CCDC183: variants seen among roughly 807,000 people sequenced by gnomAD.
CCDC183 encodes the protein coiled-coil domain-containing protein 183.
In CCDC183, 63 loss-of-function variants were observed where a neutral mutation model predicts 65.2. That is an observed-to-expected ratio of 0.97 (90% CI 0.79 to 1.19). The LOEUF (loss-of-function observed/expected upper bound fraction) is 1.19, where lower values mean the gene tolerates loss of function less well. Among genes scored for constraint, CCDC183 ranks in the 50% most tolerant of loss-of-function variants. The pLI, the probability that CCDC183 is intolerant of heterozygous loss-of-function variation, is 0.00. For missense variants in CCDC183, 769 were observed against 689.3 expected (o/e 1.12, Z -1.30); for synonymous variants, 323 against 276.5 (o/e 1.17, Z -1.67).
chr9:136,807,194 C>T lies in CCDC183; in HGVS notation c.1486+128C>T, dbSNP rs868515170. 11 of 804,510 alleles carry T rather than the reference C, an allele frequency of 1.4e-5. No individual in the cohort carries two copies. The Middle Eastern group carries it at 2.8e-3, about 206-fold the overall frequency. The allele number at this position is 804,510 out of a possible 1,614,324, so 49.8% of individuals were successfully genotyped here. A position where few individuals can be genotyped will look rare whatever the true frequency, so the allele number is the denominator to read the frequency against. ...GGGGCTACAGGGTGCATCAGTTGTA[C>T]CTGCAGGACTTTAATTGATGGAGGT... On this transcript the variant is annotated intron_variant, in intron 13 of 13. Coordinates refer to ENST00000338005, the MANE Select transcript of CCDC183 (RefSeq NM_001039374.5).
chr9:136,799,708 C>A lies in CCDC183; in HGVS notation c.193-5C>A. 6.2e-7 allele frequency: 1 copy of A among 1,612,378 alleles called. No homozygotes were observed. ...CGCTCTAGCTCAGCCGCCGCCGCTCCGCAGTATGACCAGTGGACCATCTCC... is the reference window on the plus strand; with the variant it reads ...CGCTCTAGCTCAGCCGCCGCCGCTCAGCAGTATGACCAGTGGACCATCTCC... On this transcript the variant is annotated splice_region_variant and splice_polypyrimidine_tract_variant and intron_variant, in intron 2 of 13. Coordinates refer to ENST00000338005, the MANE Select transcript of CCDC183 (RefSeq NM_001039374.5).
rs559252464 is a variant in CCDC183, at chr9:136,799,871, G to C, written c.270+81G>C. 5 of 1,408,938 alleles carry C rather than the reference G, an allele frequency of 3.5e-6. No individual in the cohort carries two copies. The African/African-American group carries it at 4.4e-5, about 12-fold the overall frequency. 87.3% of individuals were successfully genotyped at this position (1,408,938 alleles called of 1,614,324 possible). A position where few individuals can be genotyped will look rare whatever the true frequency, so the allele number is the denominator to read the frequency against. On this transcript the variant is annotated intron_variant, in intron 3 of 13. Transcript: ENST00000338005. ...CCCCACTAGATGTTGCGGAGCCGACGAGGGACGGAGCAGGTGCCCAGCCCC... is the reference window on the plus strand; with the variant it reads ...CCCCACTAGATGTTGCGGAGCCGACCAGGGACGGAGCAGGTGCCCAGCCCC...
At chr9:136,801,540 T>C (rs1847737243) in intron 5 of CCDC183, among the ~76,000 whole-genome samples, 1 of 151,968 alleles carries the variant, frequency 6.6e-6, no homozygotes, top group Non-Finnish European at 1.5e-5. Flanking sequence ...ACTTCATCTC[T>C]ACTAAAAATA....
In CCDC183 at chr9:136,806,241, GC is replaced by G. The variant is rs1313607908; in HGVS notation, c.1109+7del. On this transcript the variant is annotated splice_donor_region_variant and intron_variant, in intron 10 of 13. Coordinates refer to ENST00000338005, the MANE Select transcript of CCDC183 (RefSeq NM_001039374.5). The stretch of plus-strand genomic sequence containing the variant: ...CGCCAGAAGCCTAGCTCCATCAGGT[GC>G]CCCGGGCTTCCGGGGCTGCGGGCCA... 1.3e-6 allele frequency: 2 copies of G among 1,588,698 alleles called. No individual in the cohort carries two copies. The highest frequency in any genetic ancestry group is 1.7e-6 in the Non-Finnish European group (2 of 1,167,634).
At chr9:136,805,284 G>T in intron 8 of CCDC183, 73 bp from the exon 9 acceptor site, 2 of 1,253,408 alleles carry the variant, frequency 1.6e-6, no homozygotes, top group Non-Finnish European at 2.3e-6. Context: ...AGGTACAGAG[G>T]TGTCTGACAG....
rs990966725 is a variant in CCDC183 at position 136,800,170 on chromosome 9, G to C, written c.438+1G>C. ...CAAGGAGGAGCTGCGGCTGCTGCAGGTGGAGAGGCGGGGCTGGGAGGGCGG... is the reference window on the plus strand; with the variant it reads ...CAAGGAGGAGCTGCGGCTGCTGCAGCTGGAGAGGCGGGGCTGGGAGGGCGG... On this transcript the variant is annotated splice_donor_variant, in intron 4 of 13. Transcript: ENST00000338005. LOFTEE classifies it high-confidence loss of function. 9.8e-5 allele frequency: 149 copies of C among 1,526,748 alleles called. No homozygotes were observed. Among genetic ancestry groups the C allele is most frequent in the Non-Finnish European group, 1.2e-4 (141 of 1,141,012 alleles). The allele number at this position is 1,526,748 out of a possible 1,614,324, so 94.6% of individuals were successfully genotyped here. A position where few individuals can be genotyped will look rare whatever the true frequency, so the allele number is the denominator to read the frequency against.
At chr9:136,803,229 G>A (rs1196044579) in intron 6 of CCDC183, among the ~76,000 whole-genome samples, 2 of 88,992 alleles carry the variant, frequency 2.2e-5, no homozygotes, top group Admixed American at 1.1e-4. Flanking sequence ...GCCCCCCAGG[G>A]CCAGCCCTCT....
intron 1 of CCDC183, among the ~76,000 whole-genome samples, chr9:136,796,981 G>A (rs1442540220): frequency 3.3e-5 from 5 of 152,110 alleles, no homozygotes; most frequent in Non-Finnish European, 5.9e-5. Flanking sequence ...GTGAAAGAGG[G>A]AGGCCTCTTT....
chr9:136,807,620 C>G lies in CCDC183; in HGVS notation c.1535C>G (p.Ala512Gly). ...DMDHSYVPSRAEIKRQAQRLI... is the reference protein window; with the variant it reads ...DMDHSYVPSRGEIKRQAQRLI... ...GACCACAGCTACGTCCCTTCGCGCG[C>G]CGAGATCAAGAGGCAGGCGCAGCGG... Residue 512 changes from alanine (A) to glycine (G), a missense_variant, in exon 14 of 14, where the codon GCC becomes GGC. Coordinates refer to ENST00000338005, the MANE Select transcript of CCDC183 (RefSeq NM_001039374.5). 6.2e-7 allele frequency: 1 copy of G among 1,606,334 alleles called. No individual in the cohort carries two copies. The highest frequency in any genetic ancestry group is 8.5e-7 in the Non-Finnish European group (1 of 1,176,884).
At position 136,804,428 on chromosome 9, in the gene CCDC183, C is replaced by T. The variant is rs1235485255; in HGVS notation, c.667-74C>T. ...CTAGTAAGGTGAGCATGGCCAACCG[C>T]CCGCTGGCTTTACTGCCATTAGGGG... On this transcript the variant is annotated intron_variant, in intron 6 of 13. Transcript: ENST00000338005. This position sits in a 1 kb window ranked among gnomAD's most constrained non-coding sequence, Gnocchi z 4.1. The T allele has an allele frequency of 1.3e-6, 2 of 1,536,414 alleles. No homozygotes were observed. Among genetic ancestry groups the T allele is most frequent in the African/African-American group, 1.4e-5 (1 of 73,000 alleles).
At chr9:136,806,029 GC>G in intron 9 of CCDC183, 48 bp from the exon 10 acceptor site, 1 of 1,497,460 alleles carries the variant, frequency 6.7e-7, no homozygotes, top group Non-Finnish European at 9.0e-7. Context: ...AGCCCCCTCT[GC>G]CCACCATCCT....
At chr9:136,806,382 C>A in intron 10 of CCDC183, 122 bp from the exon 11 acceptor site, 2 of 1,425,914 alleles carry the variant, frequency 1.4e-6, no homozygotes, top group Non-Finnish European at 1.9e-6. Flanking sequence ...CACTTGCACA[C>A]ACCTGAGCTT....
At chr9:136,806,050 C>A in intron 9 of CCDC183, 28 bp from the exon 10 acceptor site, 1 of 1,542,244 alleles carries the variant, frequency 6.5e-7, no homozygotes, top group Non-Finnish European at 8.7e-7. Context: ...TGGCCCACAC[C>A]TGCTTCTCTC....
chr9:136,796,840 C>T (rs1318994697), intron 1 of CCDC183, among the ~76,000 whole-genome samples: 1 of 152,206 alleles, frequency 6.6e-6, no homozygotes, highest in African/African-American at 2.4e-5. Flanking sequence ...GCAGGGACCT[C>T]TGCCCAGGAA....
rs1165170252 is a variant in CCDC183, at chr9:136,804,437, T to C, written c.667-65T>C. The C allele has an allele frequency of 3.2e-6, 5 of 1,562,926 alleles. No individual in the cohort carries two copies. Among genetic ancestry groups the C allele is most frequent in the Non-Finnish European group, 4.3e-6 (5 of 1,155,270 alleles). ...TGAGCATGGCCAACCGCCCGCTGGCTTTACTGCCATTAGGGGCCTTGTTGA... is the reference window on the plus strand; with the variant it reads ...TGAGCATGGCCAACCGCCCGCTGGCCTTACTGCCATTAGGGGCCTTGTTGA... On this transcript the variant is annotated intron_variant, in intron 6 of 13. Transcript: ENST00000338005. The surrounding 1 kb of genome is among the most constrained non-coding windows in gnomAD (Gnocchi z 4.1).
chr9:136,796,702 G>A (rs1346558496), intron 1 of CCDC183, among the ~76,000 whole-genome samples: 2 of 152,232 alleles, frequency 1.3e-5, no homozygotes, highest in Non-Finnish European at 2.9e-5. Flanking sequence ...TTGAATCAAA[G>A]ATTAATGCAT....
Position 136,804,559 on chromosome 9 carries a change from C to A in CCDC183, c.724C>A (p.Arg242=). 5 of 1,613,594 alleles carry A rather than the reference C, an allele frequency of 3.1e-6. No homozygotes were observed. The highest frequency in any genetic ancestry group is 2.5e-6 in the Non-Finnish European group (3 of 1,179,934). ...FIEERRAREN[R]LNQQKKLIDK... is the part of the protein sequence containing the mutation. ...CGAGGAGCGCCGGGCAAGGGAGAAC[C>A]GGCTCAACCAGCAGAAGAAGCTGAT... The change falls in exon 7 of 14, where the codon CGG becomes AGG. Residue 242 remains arginine, a synonymous_variant. Coordinates refer to ENST00000338005, the MANE Select transcript of CCDC183 (RefSeq NM_001039374.5). This position sits in a 1 kb window ranked among gnomAD's most constrained non-coding sequence, Gnocchi z 4.1.
Position 136,806,610 on chromosome 9 carries a change from A to G in CCDC183, c.1216A>G (p.Ile406Val). The G allele has an allele frequency of 2.5e-6, 4 of 1,613,776 alleles. No homozygotes were observed. Among genetic ancestry groups the G allele is most frequent in the Non-Finnish European group, 3.4e-6 (4 of 1,180,040 alleles). The change falls in exon 11 of 14, where the codon ATC (isoleucine) becomes GTC (valine). Residue 406 changes from isoleucine (I) to valine (V), a missense_variant. By Grantham distance (29) the Ile-to-Val change is conservative. Coordinates refer to ENST00000338005, the MANE Select transcript of CCDC183 (RefSeq NM_001039374.5). The part of the protein sequence containing the change: ...MTKGQELLLT[I>V]QMGIDNLYVR... ...CAAGGGCCAGGAGCTGCTGCTGACC[A>G]TCCAGATGGGCATCGACAACCTCTA...
intron 9 of CCDC183, chr9:136,805,698 CCT>C: frequency 1.8e-6 from 1 of 556,444 alleles, no homozygotes; most frequent in Non-Finnish European, 3.2e-6. Context: ...TAACCACTGC[CCT>C]GACACAAGCT....
Sources: gnomAD v4.1 joint callset for allele counts (sites outside exome capture counted in the v4.1 genomes callset) on GRCh38, gnomAD v4.1.1 for gene constraint, Gnocchi (gnomAD v3.1) non-coding constraint, MANE v1.5 for transcripts, NCBI Gene and HGNC (gene_info 2026-07-23, HGNC 2026-07-21) for gene names.